The following TSHR variants were observed in gnomAD, a reference collection of about 807,000 sequenced individuals.
The protein encoded by TSHR is thyrotropin receptor.
In TSHR, 51 loss-of-function variants were observed where a neutral mutation model predicts 64.1. The observed-to-expected ratio is 0.80, with a 90% CI of 0.64 to 1.01. The LOEUF is 1.01. Among genes scored for constraint, TSHR ranks in the 50% least tolerant of loss-of-function variants. The probability of loss-of-function intolerance (pLI) is 0.00; values close to 1 mark genes in which losing one functional copy is unlikely to be tolerated. For synonymous variants in TSHR, 361 were observed against 361.9 expected, an observed-to-expected ratio of 1.00 and a Z score of 0.03; for missense variants, 877 against 942.8, an observed-to-expected ratio of 0.93 and a Z score of 0.91.
rs899327243 is a variant in TSHR at position 81,012,834 on chromosome 14, G to A, written c.171-49314G>A. 6.8e-3 allele frequency: 1,029 copies of A among 152,036 alleles called. 13 individuals are homozygous for A. Among genetic ancestry groups the A allele is most frequent in the African/African-American group, 0.023 (960 of 41,468 alleles). 9.4% of individuals were successfully genotyped at this position (152,036 alleles called of 1,614,324 possible). A position where few individuals can be genotyped will look rare whatever the true frequency, so the allele number is the denominator to read the frequency against. ...TTGTTTGAGTTCATTGTAGATTCTG[G>A]ATATTAGCCCTTTGTCAGATGACTA... On this transcript the variant is annotated intron_variant, in intron 1 of 9. Transcript: ENST00000298171.
chr14:81,089,215 T>C (rs1310601709), intron 4 of TSHR, among the ~76,000 whole-genome samples: 1 of 152,130 alleles, frequency 6.6e-6, no homozygotes, highest in African/African-American at 2.4e-5. Flanking sequence ...GTCGAACTCC[T>C]GACCTCAGGT....
chr14:81,102,298 G>A (rs1366757623), intron 7 of TSHR, among the ~76,000 whole-genome samples: 1 of 152,186 alleles, frequency 6.6e-6, no homozygotes. Flanking sequence ...CATGGATTCT[G>A]TGGGAGGCTT....
intron 2 of TSHR, among the ~76,000 whole-genome samples, chr14:81,067,618 A>G (rs1886726809): frequency 6.7e-6 from 1 of 149,452 alleles, no homozygotes; most frequent in Non-Finnish European, 1.5e-5. Flanking sequence ...CATTAGAATC[A>G]GCTAAGAAGC....
intron 1 of TSHR, among the ~76,000 whole-genome samples, chr14:80,959,278 GA>G (rs890352742): frequency 2.0e-5 from 3 of 151,854 alleles, no homozygotes; most frequent in Non-Finnish European, 4.4e-5. Context: ...TAGGTAGTTT[GA>G]AAAAAATCAC....
At chr14:80,989,706 C>A (rs986965409) in intron 1 of TSHR, among the ~76,000 whole-genome samples, 3 of 152,102 alleles carry the variant, frequency 2.0e-5, no homozygotes, top group African/African-American at 7.2e-5. Flanking sequence ...TTTAGTCTCA[C>A]TTCTATTCGA....
At chr14:80,991,502 A>T in intron 1 of TSHR, 1 of 398,026 alleles carries the variant, frequency 2.5e-6, no homozygotes, top group Non-Finnish European at 4.4e-6. Flanking sequence ...GCTTCATTTT[A>T]TTATTAACGC....
At chr14:81,035,730 G>A (rs1033025730) in intron 1 of TSHR, among the ~76,000 whole-genome samples, 3 of 152,030 alleles carry the variant, frequency 2.0e-5, no homozygotes, top group African/African-American at 7.2e-5. Context: ...TTGCTTCTTT[G>A]TTTGATGCTG....
At chr14:81,037,021 C>T (rs1884659293) in intron 1 of TSHR, among the ~76,000 whole-genome samples, 1 of 151,714 alleles carries the variant, frequency 6.6e-6, no homozygotes, top group Admixed American at 6.6e-5. Flanking sequence ...TGTGTGCCTG[C>T]AGTCCCAGGT....
At position 81,103,373 on chromosome 14, in the gene TSHR, T is replaced by G. The variant is rs1595118918; in HGVS notation, c.615-5002T>G. On this transcript the variant is annotated intron_variant, in intron 7 of 9. Transcript: ENST00000298171. This position sits in a 1 kb window ranked among gnomAD's most constrained non-coding sequence, Gnocchi z 4.1. ...AGTTTGTCCAGGTATCATTAGGTTC[T>G]CATTTAAACAATGTGTCATCCAAAA... The G allele has an allele frequency of 1.0e-6, 1 of 983,046 alleles. No individual in the cohort carries two copies. Among genetic ancestry groups the G allele is most frequent in the Non-Finnish European group, 1.2e-6 (1 of 827,964 alleles). 60.9% of individuals were successfully genotyped at this position (983,046 alleles called of 1,614,324 possible). A position where few individuals can be genotyped will look rare whatever the true frequency, so the allele number is the denominator to read the frequency against.
intron 7 of TSHR, 62 bp downstream of exon 7, chr14:81,096,769 G>A (rs780592431): frequency 2.1e-5 from 33 of 1,537,904 alleles, no homozygotes; most frequent in Non-Finnish European, 3.0e-5. Context: ...ATCCAATGGG[G>A]CAGAATGCTG....
At chr14:81,089,134 T>C (rs1888522601) in intron 4 of TSHR, among the ~76,000 whole-genome samples, 1 of 138,446 alleles carries the variant, frequency 7.2e-6, no homozygotes. Context: ...ATTACAGGTG[T>C]GCACCACCAT....
chr14:81,088,155 C>T (rs1019486820), intron 4 of TSHR, 127 bp downstream of exon 4: 6 of 767,312 alleles, frequency 7.8e-6, no homozygotes, highest in Admixed American at 2.1e-5. Flanking sequence ...TAGCCTGGGT[C>T]GGGGGCAAGG....
chr14:81,137,175 T>C (rs1430095101), intron 8 of TSHR, among the ~76,000 whole-genome samples: 1 of 152,204 alleles, frequency 6.6e-6, no homozygotes, highest in Non-Finnish European at 1.5e-5. Context: ...TTATAATTCA[T>C]TTGGTCTGGA....
intron 1 of TSHR, among the ~76,000 whole-genome samples, chr14:81,028,268 A>G (rs1194375679): frequency 2.0e-5 from 3 of 152,204 alleles, no homozygotes; most frequent in Non-Finnish European, 2.9e-5. Flanking sequence ...TTTACATCAC[A>G]TAAACCACTC....
chr14:81,081,081 T>C (rs1387792041), intron 3 of TSHR, among the ~76,000 whole-genome samples: 3 of 151,668 alleles, frequency 2.0e-5, no homozygotes, highest in Non-Finnish European at 2.9e-5. Flanking sequence ...GAGACTGAGG[T>C]GGGAGGATTG....
chr14:80,969,286 T>C (rs965396551), intron 1 of TSHR, among the ~76,000 whole-genome samples: 5 of 152,180 alleles, frequency 3.3e-5, no homozygotes, highest in Non-Finnish European at 5.9e-5. Context: ...ATGCCCTTTG[T>C]TGCACCTTCT....
chr14:81,007,368 G>A (rs1207264876), intron 1 of TSHR, among the ~76,000 whole-genome samples: 4 of 152,252 alleles, frequency 2.6e-5, no homozygotes, highest in Non-Finnish European at 4.4e-5. Context: ...TCTTGACTCT[G>A]ACGGTCTTAC....
intron 1 of TSHR, among the ~76,000 whole-genome samples, chr14:80,991,152 T>C (rs984969039): frequency 1.3e-5 from 2 of 152,312 alleles, no homozygotes; most frequent in South Asian, 4.1e-4. Context: ...AACTATAAAC[T>C]CTTCTAATTA....
At chr14:81,139,913 A>G (rs1192194400) in intron 9 of TSHR, 46 bp downstream of exon 9, 2 of 1,608,798 alleles carry the variant, frequency 1.2e-6, no homozygotes, top group Non-Finnish European at 1.7e-6. Flanking sequence ...CCTTGGTGGA[A>G]GTGGAATTCA....
Sources: allele counts gnomAD v4.1 joint callset (sites outside exome capture counted in the v4.1 genomes callset), GRCh38; gene constraint gnomAD v4.1.1; non-coding constraint Gnocchi (gnomAD v3.1); transcripts MANE v1.5; gene names NCBI Gene and HGNC (gene_info 2026-07-23, HGNC 2026-07-21).